PTPRQ: variants seen among roughly 807,000 people sequenced by gnomAD.
The protein encoded by PTPRQ is phosphatidylinositol phosphatase PTPRQ.
PTPRQ carries 199 observed loss-of-function variants against 246.0 expected under a neutral mutation model. The observed-to-expected ratio is 0.81, with a 90% CI of 0.72 to 0.91. The LOEUF (loss-of-function observed/expected upper bound fraction) is 0.91. PTPRQ is among the 40% of genes least tolerant of loss of function. The probability of loss-of-function intolerance (pLI) is 0.00; values close to 1 mark genes in which losing one functional copy is unlikely to be tolerated. For synonymous variants in PTPRQ, 869 were observed against 853.2 expected (o/e 1.02, Z -0.32); for missense variants, 2,624 against 2,528.4 (o/e 1.04, Z -0.81).
intron 19 of PTPRQ, among the ~76,000 whole-genome samples, 173 bp from the exon 20 acceptor site, chr12:80,539,603 A>T (rs1050432407): frequency 5.3e-5 from 8 of 152,088 alleles, no homozygotes; most frequent in African/African-American, 1.4e-4. Context: ...TTTTAGTACA[A>T]ACATATTTCC....
At chr12:80,523,482 G>C (rs1261752568) in intron 17 of PTPRQ, among the ~76,000 whole-genome samples, 5 of 152,084 alleles carry the variant, frequency 3.3e-5, no homozygotes, top group Non-Finnish European at 7.4e-5. Context: ...GATCTTTCCT[G>C]CTTTCTCTTG....
chr12:80,673,825 A>C (rs921018972), intron 43 of PTPRQ, among the ~76,000 whole-genome samples: 3 of 152,130 alleles, frequency 2.0e-5, no homozygotes, highest in Non-Finnish European at 2.9e-5. Context: ...TATAGGCAAA[A>C]AATATTTACA....
At chr12:80,653,436 G>A (rs1261385834) in intron 38 of PTPRQ, among the ~76,000 whole-genome samples, 1 of 152,038 alleles carries the variant, frequency 6.6e-6, no homozygotes, top group Non-Finnish European at 1.5e-5. Context: ...ATAACTATAT[G>A]TTTGCTATTA....
chr12:80,486,071 G>A (rs985801207), intron 9 of PTPRQ, among the ~76,000 whole-genome samples: 1 of 152,098 alleles, frequency 6.6e-6, no homozygotes, highest in African/African-American at 2.4e-5. Flanking sequence ...TTTAACCCTG[G>A]AAAAGTTGGC....
chr12:80,450,873 C>G (rs1376797043), intron 3 of PTPRQ, among the ~76,000 whole-genome samples: 1 of 152,190 alleles, frequency 6.6e-6, no homozygotes, highest in Non-Finnish European at 1.5e-5. Flanking sequence ...GCTTTGGTAT[C>G]AGGATGATGC....
intron 33 of PTPRQ, among the ~76,000 whole-genome samples, chr12:80,629,129 G>A (rs928463391): frequency 1.6e-4 from 25 of 151,570 alleles, no homozygotes; most frequent in African/African-American, 5.6e-4. Context: ...GGTGGGGGGA[G>A]GAGGAGGAGA....
chr12:80,455,573 A>G (rs551312170), intron 3 of PTPRQ, among the ~76,000 whole-genome samples: 1 of 147,456 alleles, frequency 6.8e-6, no homozygotes. Context: ...TTTATAAAAA[A>G]GTCTCGTCCT....
chr12:80,559,502 T>C (rs1410440129), intron 25 of PTPRQ, among the ~76,000 whole-genome samples: 1 of 152,244 alleles, frequency 6.6e-6, no homozygotes, highest in Non-Finnish European at 1.5e-5. Flanking sequence ...TCTCCTCCAT[T>C]GAATTGCTTT....
chr12:80,585,503 C>T (rs1897582205), intron 25 of PTPRQ, among the ~76,000 whole-genome samples: 2 of 152,078 alleles, frequency 1.3e-5, no homozygotes, highest in South Asian at 4.1e-4. Context: ...TAGAGTGATT[C>T]TGTGAAAGAG....
intron 37 of PTPRQ, among the ~76,000 whole-genome samples, chr12:80,650,532 C>T (rs1005818020): frequency 6.6e-6 from 1 of 151,652 alleles, no homozygotes; most frequent in African/African-American, 2.4e-5. Context: ...ACTCCTGAAA[C>T]AAAGAATAAA....
chr12:80,530,915 A>G (rs1403251771), intron 17 of PTPRQ, among the ~76,000 whole-genome samples: 1 of 152,136 alleles, frequency 6.6e-6, no homozygotes, highest in African/African-American at 2.4e-5. Flanking sequence ...ATCCTGGTGT[A>G]GGGTTGCATG....
rs768302254 is a variant in PTPRQ, at chr12:80,484,478, C to T, written c.1232C>T (p.Thr411Met). ...TTACAACTTGCAGAGGTAGAATCCA[C>T]GCAAGTAAGAATTACTTGGAAGAAA... is the stretch of plus-strand genomic sequence containing the variant. Reference protein sequence around the residue: ...FDLQLAEVESTQVRITWKKPR... With the variant: ...FDLQLAEVESMQVRITWKKPR... The change falls in exon 9 of 45, where the codon ACG becomes ATG. Residue 411 changes from threonine to methionine, a missense_variant. Thr to Met is a moderately conservative substitution (Grantham distance 81, BLOSUM62 -1). Coordinates refer to ENST00000644991, the MANE Select transcript of PTPRQ (RefSeq NM_001145026.2). 58 of 1,550,486 alleles carry T rather than the reference C, an allele frequency of 3.7e-5. No individual in the cohort carries two copies. The highest frequency in any genetic ancestry group is 7.9e-5 in the Admixed American group (4 of 50,852).
intron 33 of PTPRQ, among the ~76,000 whole-genome samples, chr12:80,628,498 A>G (rs1221434056): frequency 6.6e-6 from 1 of 152,206 alleles, no homozygotes; most frequent in East Asian, 1.9e-4. Context: ...GTAACTTAAA[A>G]TTGATTACAA....
intron 25 of PTPRQ, among the ~76,000 whole-genome samples, chr12:80,574,013 G>A (rs144788820): frequency 1.3e-5 from 2 of 152,092 alleles, no homozygotes; most frequent in African/African-American, 4.8e-5. Flanking sequence ...ATTTAACTAC[G>A]ATTGTGGGTT....
At chr12:80,481,154 C>T (rs998582701) in intron 8 of PTPRQ, among the ~76,000 whole-genome samples, 4 of 152,158 alleles carry the variant, frequency 2.6e-5, no homozygotes, top group African/African-American at 9.7e-5. Flanking sequence ...AATCCAGCAG[C>T]ACATCAGAAA....
At chr12:80,450,271 T>G (rs1433453966) in intron 3 of PTPRQ, among the ~76,000 whole-genome samples, 1 of 152,130 alleles carries the variant, frequency 6.6e-6, no homozygotes, top group Non-Finnish European at 1.5e-5. Flanking sequence ...CTTAAGGAGA[T>G]TTTGGGCTGA....
chr12:80,523,049 T>C (rs925180669), intron 17 of PTPRQ, among the ~76,000 whole-genome samples: 1 of 152,168 alleles, frequency 6.6e-6, no homozygotes, highest in Non-Finnish European at 1.5e-5. Flanking sequence ...GAGCCTGTTA[T>C]TGGTCTATTC....
intron 3 of PTPRQ, among the ~76,000 whole-genome samples, chr12:80,450,959 G>C (rs1892744243): frequency 6.6e-6 from 1 of 152,204 alleles, no homozygotes; most frequent in African/African-American, 2.4e-5. Context: ...AATAGTACCA[G>C]TTCCTCCTTG....
At chr12:80,472,279 T>C in intron 8 of PTPRQ, 28 bp downstream of exon 8, 1 of 1,548,992 alleles carries the variant, frequency 6.5e-7, no homozygotes. Flanking sequence ...GAGTGAGATA[T>C]TTTTGGTATG....
Sources: allele counts gnomAD v4.1 joint callset (sites outside exome capture counted in the v4.1 genomes callset), GRCh38; gene constraint gnomAD v4.1.1; transcripts MANE v1.5; gene names NCBI Gene and HGNC (gene_info 2026-07-23, HGNC 2026-07-21).